Variants in SNCB observed in about 807,000 individuals in gnomAD.
SNCB encodes the protein beta-synuclein.
In SNCB, 8 loss-of-function variants were observed where a neutral mutation model predicts 20.0. The observed-to-expected ratio is 0.40, with a 90% CI of 0.24 to 0.72. SNCB has a LOEUF of 0.72. SNCB is among the 30% of genes least tolerant of loss of function. The pLI is 0.37. For missense variants in SNCB, 125 were observed against 168.0 expected, an observed-to-expected ratio of 0.74 and a Z score of 1.41; for synonymous variants, 56 against 65.4, an observed-to-expected ratio of 0.86 and a Z score of 0.69.
At position 176,620,805 on chromosome 5, in the gene SNCB, G is replaced by A. The variant is rs1474383644; in HGVS notation, c.*6C>T. ...TTGTGCTGCTGGTGGGGGCTCTCCT[G>A]GGCCCCTACGCCTCTGGCTCATACT... On this transcript the variant is annotated 3_prime_UTR_variant, in exon 6 of 6. Coordinates refer to ENST00000393693, the MANE Select transcript of SNCB (RefSeq NM_003085.5). This position sits in a 1 kb window ranked among gnomAD's most constrained non-coding sequence, Gnocchi z 4.5. The A allele has an allele frequency of 6.2e-7, 1 of 1,612,852 alleles. No homozygotes were observed. The highest frequency in any genetic ancestry group is 1.7e-5 in the Admixed American group (1 of 60,026).
rs1416428335 is a variant in SNCB, at chr5:176,629,695, C to T, written c.-9-32G>A. ...AGGGCGATACACGGGCACCGGTGCA[C>T]TGGCCCCGCACTCTCACCCCAGCCC... On this transcript the variant is annotated intron_variant, in intron 1 of 5. Transcript: ENST00000393693. The surrounding 1 kb of genome is among the most constrained non-coding windows in gnomAD (Gnocchi z 4.1). The T allele has an allele frequency of 6.2e-7, 1 of 1,606,702 alleles. No homozygotes were observed.
Position 176,621,225 on chromosome 5 carries a change from CCT to C in SNCB, c.359_360del (p.Glu120GlyfsTer11), listed in dbSNP as rs1484574599. The C allele has an allele frequency of 2.5e-6, 4 of 1,612,918 alleles. No homozygotes were observed. In the African/African-American group the frequency reaches 5.3e-5, roughly 22 times the overall value. ...TGCTGCCCCCTCACCTGGGGTGGGTCCTCATAACTCTCCCCTTCTGGCTCCAT... is the reference window on the plus strand; with the variant it reads ...TGCTGCCCCCTCACCTGGGGTGGGTCCATAACTCTCCCCTTCTGGCTCCAT... ...PLMEPEGESY[E>X]DPPQEEYQEY... On this transcript the variant is annotated frameshift_variant, in exon 5 of 6. Transcript: ENST00000393693. LOFTEE classifies it high-confidence loss of function. This position sits in a 1 kb window ranked among gnomAD's most constrained non-coding sequence, Gnocchi z 4.1.
At chr5:176,622,703 A>G (rs1759676468) in intron 4 of SNCB, among the ~76,000 whole-genome samples, 1 of 151,468 alleles carries the variant, frequency 6.6e-6, no homozygotes, top group African/African-American at 2.4e-5. Context: ...AGCCAGATAC[A>G]GAACAGAAGA....
At position 176,629,006 on chromosome 5, in the gene SNCB, T is replaced by G. The variant is rs1175175268; in HGVS notation, c.121+528A>C. Among the ~76,000 whole-genome samples the G allele has an allele frequency of 2.0e-5, 3 of 151,336 alleles. No individual in the cohort carries two copies. In the East Asian group the frequency reaches 5.8e-4, roughly 29 times the overall value. On this transcript the variant is annotated intron_variant, in intron 2 of 5. Coordinates refer to ENST00000393693, the MANE Select transcript of SNCB (RefSeq NM_003085.5). This position sits in a 1 kb window ranked among gnomAD's most constrained non-coding sequence, Gnocchi z 4.1. ...ACGCAACTCAACTCGGCCTTGGAGGTGCTGGAGGGAGGCGCCACAAGGGGA... is the reference window on the plus strand; with the variant it reads ...ACGCAACTCAACTCGGCCTTGGAGGGGCTGGAGGGAGGCGCCACAAGGGGA...
At position 176,626,955 on chromosome 5, in the gene SNCB, G is replaced by C. The variant is rs1429203085; in HGVS notation, c.122-194C>G. Among the ~76,000 whole-genome samples, 1 of 152,170 alleles carries C rather than the reference G, an allele frequency of 6.6e-6. No individual in the cohort carries two copies. The highest frequency in any genetic ancestry group is 1.5e-5 in the Non-Finnish European group (1 of 68,030). On this transcript the variant is annotated intron_variant, in intron 2 of 5. Transcript: ENST00000393693. The surrounding 1 kb of genome is among the most constrained non-coding windows in gnomAD (Gnocchi z 4.2). ...GGGCCCCACACCTCTGTCTGCAAGG[G>C]TTGCAGTTCTCTCCCACCTGATGCG...
At position 176,629,356 on chromosome 5, in the gene SNCB, G is replaced by T; in HGVS notation, c.121+178C>A. Reference sequence around the variant, plus strand: ...CAGCCCGCCCCGTGTCCCCATTTCCGGATACAGACCCAGGCTTCTATGGGC... The same window carrying T: ...CAGCCCGCCCCGTGTCCCCATTTCCTGATACAGACCCAGGCTTCTATGGGC... On this transcript the variant is annotated intron_variant, in intron 2 of 5. Transcript: ENST00000393693. This position sits in a 1 kb window ranked among gnomAD's most constrained non-coding sequence, Gnocchi z 4.1. 1.5e-6 allele frequency: 1 copy of T among 653,470 alleles called. No individual in the cohort carries two copies. The highest frequency in any genetic ancestry group is 2.6e-6 in the Non-Finnish European group (1 of 386,320). 40.5% of individuals were successfully genotyped at this position (653,470 alleles called of 1,614,324 possible).
At position 176,621,182 on chromosome 5, in the gene SNCB, C is replaced by G; in HGVS notation, c.372+32G>C. 1.9e-6 allele frequency: 3 copies of G among 1,558,532 alleles called. No homozygotes were observed. Among genetic ancestry groups the G allele is most frequent in the East Asian group, 4.5e-5 (2 of 44,312 alleles). The stretch of plus-strand genomic sequence containing the variant: ...GACGGCAGCAATCATCCTGGATTCC[C>G]AAAGTCCCGCCCAGCCCTGCTGCCC... On this transcript the variant is annotated intron_variant, in intron 5 of 5. Transcript: ENST00000393693. The surrounding 1 kb of genome is among the most constrained non-coding windows in gnomAD (Gnocchi z 4.1).
chr5:176,627,980 G>A (rs1240870890), intron 2 of SNCB, among the ~76,000 whole-genome samples: 1 of 152,216 alleles, frequency 6.6e-6, no homozygotes, highest in African/African-American at 2.4e-5. Flanking sequence ...GGAGACTGCA[G>A]AGGGTATCCC....
chr5:176,629,618 C>T lies in SNCB; in HGVS notation c.37G>A (p.Glu13Lys). Residue 13 changes from glutamate (E) to lysine (K), a missense_variant, in exon 2 of 6, where the codon GAG becomes AAG. Transcript: ENST00000393693. This position sits in a 1 kb window ranked among gnomAD's most constrained non-coding sequence, Gnocchi z 4.1. ...VFMKGLSMAK[E>K]GVVAAAEKTK... ...TTCTCCGCGGCTGCCACAACGCCCT[C>T]CTTGGCCATGGACAGGCCCTTCATG... 6.2e-7 allele frequency: 1 copy of T among 1,613,924 alleles called. No individual in the cohort carries two copies. The highest frequency in any genetic ancestry group is 8.5e-7 in the Non-Finnish European group (1 of 1,179,928).
At position 176,620,452 on chromosome 5, in the gene SNCB, CG is replaced by C. The variant is rs1759508030; in HGVS notation, c.*358del. 6.0e-6 allele frequency: 2 copies of C among 334,728 alleles called. No individual in the cohort carries two copies. Among genetic ancestry groups the C allele is most frequent in the Non-Finnish European group, 1.1e-5 (2 of 181,376 alleles). The allele number at this position is 334,728 out of a possible 1,614,324, so 20.7% of individuals were successfully genotyped here. Reference sequence around the variant, plus strand: ...TCGGGCGGGGTGCTCTGGGGCTGCCCGGGGGCCGCTTGGAGAGCCACTGTCG... The same window carrying C: ...TCGGGCGGGGTGCTCTGGGGCTGCCCGGGGCCGCTTGGAGAGCCACTGTCG... On this transcript the variant is annotated 3_prime_UTR_variant, in exon 6 of 6. Transcript: ENST00000393693. The surrounding 1 kb of genome is among the most constrained non-coding windows in gnomAD (Gnocchi z 4.5).
chr5:176,626,394 T>C lies in SNCB; in HGVS notation c.282+4A>G. 2 of 1,573,040 alleles carry C rather than the reference T, an allele frequency of 1.3e-6. No homozygotes were observed. Among genetic ancestry groups the C allele is most frequent in the African/African-American group, 1.3e-5 (1 of 74,176 alleles). On this transcript the variant is annotated splice_donor_region_variant and intron_variant, in intron 4 of 5. Coordinates refer to ENST00000393693, the MANE Select transcript of SNCB (RefSeq NM_003085.5). This position sits in a 1 kb window ranked among gnomAD's most constrained non-coding sequence, Gnocchi z 4.2. ...TGCATGTGCGGGTCAGAAGGATCGC[T>C]TACCTTCAGATCAGTAGGGAATTCC...
At chr5:176,624,272 C>T (rs529889179) in intron 4 of SNCB, among the ~76,000 whole-genome samples, 1 of 152,332 alleles carries the variant, frequency 6.6e-6, no homozygotes, top group South Asian at 2.1e-4. Flanking sequence ...AGTGACATGG[C>T]CTGAGCTTAT....
Position 176,621,390 on chromosome 5 carries a change from G to A in SNCB, c.283-87C>T. ...TGGTAAGCTTTGGGTGGGTTGGAGT[G>A]GGGAAGGCTAGGGTGGGTTGGCAGA... is the stretch of plus-strand genomic sequence containing the variant. On this transcript the variant is annotated intron_variant, in intron 4 of 5. Transcript: ENST00000393693. This position sits in a 1 kb window ranked among gnomAD's most constrained non-coding sequence, Gnocchi z 4.1. The A allele has an allele frequency of 9.2e-7, 1 of 1,092,162 alleles. No individual in the cohort carries two copies. The highest frequency in any genetic ancestry group is 1.3e-5 in the South Asian group (1 of 76,008). The allele number at this position is 1,092,162 out of a possible 1,614,324, so 67.7% of individuals were successfully genotyped here.
rs2113418353 is a variant in SNCB, at chr5:176,629,357, G to C, written c.121+177C>G. The C allele has an allele frequency of 1.5e-6, 1 of 674,930 alleles. No homozygotes were observed. The highest frequency in any genetic ancestry group is 2.8e-5 in the East Asian group (1 of 35,898). 41.8% of individuals were successfully genotyped at this position (674,930 alleles called of 1,614,324 possible). ...AGCCCGCCCCGTGTCCCCATTTCCG[G>C]ATACAGACCCAGGCTTCTATGGGCT... On this transcript the variant is annotated intron_variant, in intron 2 of 5. Transcript: ENST00000393693. The surrounding 1 kb of genome is among the most constrained non-coding windows in gnomAD (Gnocchi z 4.1).
chr5:176,625,291 C>G (rs1446206145), intron 4 of SNCB, among the ~76,000 whole-genome samples: 1 of 152,190 alleles, frequency 6.6e-6, no homozygotes, highest in Non-Finnish European at 1.5e-5. Flanking sequence ...ATCAACCTCA[C>G]CCGGGTACTT....
chr5:176,620,620 C>T lies in SNCB; in HGVS notation c.*191G>A. The T allele has an allele frequency of 1.6e-6, 1 of 621,734 alleles. No homozygotes were observed. Among genetic ancestry groups the T allele is most frequent in the Non-Finnish European group, 2.9e-6 (1 of 346,520 alleles). The allele number at this position is 621,734 out of a possible 1,614,324, so 38.5% of individuals were successfully genotyped here. On this transcript the variant is annotated 3_prime_UTR_variant, in exon 6 of 6. Coordinates refer to ENST00000393693, the MANE Select transcript of SNCB (RefSeq NM_003085.5). The surrounding 1 kb of genome is among the most constrained non-coding windows in gnomAD (Gnocchi z 4.5). Reference sequence around the variant, plus strand: ...GACCGCAACCCTGGCCCTGTCCATGCCCCGGGGTTGGACGCGGGCGGGTAG... The same window carrying T: ...GACCGCAACCCTGGCCCTGTCCATGTCCCGGGGTTGGACGCGGGCGGGTAG...
intron 4 of SNCB, among the ~76,000 whole-genome samples, chr5:176,622,030 C>G (rs1341005654): frequency 6.6e-6 from 1 of 152,266 alleles, no homozygotes; most frequent in African/African-American, 2.4e-5. Context: ...CATGCACAGC[C>G]TGTGCAGTGC....
At chr5:176,623,490 C>G (rs909590330) in intron 4 of SNCB, among the ~76,000 whole-genome samples, 2 of 151,714 alleles carry the variant, frequency 1.3e-5, no homozygotes, top group Non-Finnish European at 1.5e-5. Context: ...GGAGGCCTGG[C>G]CTCCGTCTCC....
chr5:176,627,076 G>A (rs1283854303), intron 2 of SNCB, among the ~76,000 whole-genome samples: 1 of 152,238 alleles, frequency 6.6e-6, no homozygotes, highest in African/African-American at 2.4e-5. Flanking sequence ...AGCCCTGGGA[G>A]GCGGGTGCTG....
Sources: allele counts gnomAD v4.1 joint callset (sites outside exome capture counted in the v4.1 genomes callset), GRCh38; gene constraint gnomAD v4.1.1; non-coding constraint Gnocchi (gnomAD v3.1); transcripts MANE v1.5; gene names NCBI Gene and HGNC (gene_info 2026-07-23, HGNC 2026-07-21).